SYT5: variants seen among roughly 807,000 people sequenced by gnomAD.
SYT5 encodes synaptotagmin-5.
A neutral mutation model predicts 36.0 loss-of-function variants in SYT5; 29 were observed. The ratio of observed to expected loss-of-function variants is 0.81; its 90% CI spans 0.60 to 1.10. The LOEUF is 1.10. SYT5 is among the 50% of genes least tolerant of loss of function. The pLI, the probability that SYT5 is intolerant of heterozygous loss-of-function variation, is 0.00. For synonymous variants in SYT5, 231 were observed against 227.6 expected, an observed-to-expected ratio of 1.02 and a Z score of -0.14; for missense variants, 512 against 516.0, an observed-to-expected ratio of 0.99 and a Z score of 0.08.
Position 55,175,984 on chromosome 19 carries a change from T to A in SYT5, c.372+21A>T, listed in dbSNP as rs77500505. The A allele has an allele frequency of 0.055, 88,279 of 1,613,774 alleles. 7,529 individuals are homozygous for A. Among genetic ancestry groups the A allele is most frequent in the Admixed American group, 0.35 (20,737 of 59,974 alleles). ...ACCCCCGGGATCCTCCCTCCAAAGC[T>A]TCCCCTTCCTCCACACCCACCTGGC... is the stretch of plus-strand genomic sequence containing the variant. On this transcript the variant is annotated intron_variant, in intron 4 of 8. Transcript: ENST00000354308. This position sits in a 1 kb window ranked among gnomAD's most constrained non-coding sequence, Gnocchi z 4.5.
chr19:55,173,582 G>A lies in SYT5; in HGVS notation c.1063C>T (p.Arg355Trp), dbSNP rs1321881444. Residue 355 changes from arginine (R) to tryptophan (W), a missense_variant, in exon 9 of 9, where the codon CGG (arginine) becomes TGG (tryptophan). Coordinates refer to ENST00000354308, the MANE Select transcript of SYT5 (RefSeq NM_003180.3). This position sits in a 1 kb window ranked among gnomAD's most constrained non-coding sequence, Gnocchi z 5.4. ...TTGGCCAGCATGTCCGCCCAGTGCC[G>A]CAGGCCAGCCCCGCCGGCGGCCGCC... ...VGAAAGGAGL[R>W]HWADMLANPR... 2.7e-6 allele frequency: 4 copies of A among 1,475,362 alleles called. No homozygotes were observed. The highest frequency in any genetic ancestry group is 3.0e-5 in the African/African-American group (2 of 67,736). 91.4% of individuals were successfully genotyped at this position (1,475,362 alleles called of 1,614,324 possible).
Position 55,175,610 on chromosome 19 carries a change from G to C in SYT5, c.540+99C>G. ...CCCAGAGCTGGTAGCTGCCACCTGA[G>C]CTGTGGCCGCCTCCAGGAAAAGCGG... On this transcript the variant is annotated intron_variant, in intron 5 of 8. Transcript: ENST00000354308. This position sits in a 1 kb window ranked among gnomAD's most constrained non-coding sequence, Gnocchi z 4.5. The C allele has an allele frequency of 6.8e-7, 1 of 1,480,812 alleles. No individual in the cohort carries two copies. The highest frequency in any genetic ancestry group is 9.2e-7 in the Non-Finnish European group (1 of 1,084,998). 91.7% of individuals were successfully genotyped at this position (1,480,812 alleles called of 1,614,324 possible).
At chr19:55,177,416 C>T (rs898458505) in intron 3 of SYT5, 3 of 152,212 alleles carry the variant, frequency 2.0e-5, no homozygotes, top group Non-Finnish European at 4.4e-5. Context: ...TCCCTCAGGT[C>T]TCAGTGCAGA....
chr19:55,176,135 CA>C lies in SYT5; in HGVS notation c.253-12del. ...TACTTCTGGCTGCACCTTAAGGAGC[CA>C]GGGGTAAGGGTGGGTGAAGTCTTCC... On this transcript the variant is annotated splice_polypyrimidine_tract_variant and intron_variant, in intron 3 of 8. Coordinates refer to ENST00000354308, the MANE Select transcript of SYT5 (RefSeq NM_003180.3). 1 of 1,613,972 alleles carries C rather than the reference CA, an allele frequency of 6.2e-7. No individual in the cohort carries two copies. Among genetic ancestry groups the C allele is most frequent in the Non-Finnish European group, 8.5e-7 (1 of 1,180,030 alleles).
chr19:55,179,980 G>A lies in SYT5; in HGVS notation c.-46+137C>T, dbSNP rs960403123. ...TCTCCATACCTGTCTCGCGTCCCCA[G>A]ATCCCTGTCTCTCCGCTTCAGGCTG... On this transcript the variant is annotated intron_variant, in intron 1 of 8. Coordinates refer to ENST00000354308, the MANE Select transcript of SYT5 (RefSeq NM_003180.3). The surrounding 1 kb of genome is among the most constrained non-coding windows in gnomAD (Gnocchi z 4.5). 2.0e-5 allele frequency: 3 copies of A among 152,806 alleles called. No individual in the cohort carries two copies. The highest frequency in any genetic ancestry group is 4.4e-5 in the Non-Finnish European group (3 of 68,480). 9.5% of individuals were successfully genotyped at this position (152,806 alleles called of 1,614,324 possible).
rs905015368 is a variant in SYT5 at position 55,175,759 on chromosome 19, C to T, written c.490G>A (p.Val164Met). The change falls in exon 5 of 9, where the codon GTG becomes ATG. Residue 164 changes from valine to methionine, a missense_variant. By Grantham distance (21) the Val-to-Met change is conservative. Coordinates refer to ENST00000354308, the MANE Select transcript of SYT5 (RefSeq NM_003180.3). The surrounding 1 kb of genome is among the most constrained non-coding windows in gnomAD (Gnocchi z 4.5). ...PDKRRRYETK[V>M]HRQTLNPHFG... ...TGAGGGTTCAGCGTCTGCCGATGCA[C>T]CTTGGTCTCGTACCGCCTCCGTTTG... The T allele has an allele frequency of 1.9e-6, 3 of 1,614,132 alleles. No individual in the cohort carries two copies. The highest frequency in any genetic ancestry group is 1.7e-4 in the Middle Eastern group (1 of 6,046).
At chr19:55,174,790 C>T in intron 7 of SYT5, 92 bp downstream of exon 7, 1 of 1,572,120 alleles carries the variant, frequency 6.4e-7, no homozygotes, top group Non-Finnish European at 8.7e-7. Context: ...TCCTCCCTGT[C>T]CCCGAAGAAA....
At position 55,176,029 on chromosome 19, in the gene SYT5, C is replaced by T. The variant is rs751358459; in HGVS notation, c.348G>A (p.Leu116=). 3.1e-6 allele frequency: 5 copies of T among 1,614,154 alleles called. No homozygotes were observed. The highest frequency in any genetic ancestry group is 2.2e-5 in the South Asian group (2 of 91,088). Reference sequence around the variant, plus strand: ...CCTGGCCACTCTGGAAGTCATAATCCAGGGAGTACTGCAGTCGTCCTAGCT... The same window carrying T: ...CCTGGCCACTCTGGAAGTCATAATCTAGGGAGTACTGCAGTCGTCCTAGCT... The part of the protein sequence containing the change: ...KHELGRLQYS[L]DYDFQSGQLL... Residue 116 remains leucine (L), a synonymous_variant, in exon 4 of 9, where the codon CTG becomes CTA. Transcript: ENST00000354308.
chr19:55,175,181 C>T lies in SYT5; in HGVS notation c.699G>A (p.Pro233=), dbSNP rs769726009. 4 of 1,600,306 alleles carry T rather than the reference C, an allele frequency of 2.5e-6. No individual in the cohort carries two copies. The South Asian group carries it at 3.3e-5, about 13-fold the overall frequency. The part of the protein sequence containing the change: ...VQAWRELQAA[P]REEQEKLGDI... ...GACCGCGCATGCTCACCTCCTCCCG[C>T]GGAGCCGCCTGCAGCTCCCGCCAGG... Residue 233 remains proline (P), a synonymous_variant, in exon 6 of 9, where the codon CCG becomes CCA. Coordinates refer to ENST00000354308, the MANE Select transcript of SYT5 (RefSeq NM_003180.3). This position sits in a 1 kb window ranked among gnomAD's most constrained non-coding sequence, Gnocchi z 4.5.
Position 55,179,023 on chromosome 19 carries a change from T to C in SYT5, c.19A>G (p.Thr7Ala), listed in dbSNP as rs756811651. The C allele has an allele frequency of 6.2e-7, 1 of 1,604,798 alleles. No homozygotes were observed. Among genetic ancestry groups the C allele is most frequent in the Admixed American group, 1.7e-5 (1 of 58,758 alleles). The change falls in exon 2 of 9, where the codon ACC becomes GCC. Residue 7 changes from threonine (T) to alanine (A), a missense_variant. Coordinates refer to ENST00000354308, the MANE Select transcript of SYT5 (RefSeq NM_003180.3). The surrounding 1 kb of genome is among the most constrained non-coding windows in gnomAD (Gnocchi z 4.5). The part of the protein sequence containing the change: MFPEPP[T>A]PGPPSPDTPP... ...GTGTCGGGCGATGGAGGCCCCGGGG[T>C]TGGGGGCTCCGGGAACATGGTGGCG...
Position 55,179,206 on chromosome 19 carries a change from G to A in SYT5, c.-45-120C>T, listed in dbSNP as rs1263746924. 4.6e-6 allele frequency: 7 copies of A among 1,528,042 alleles called. No homozygotes were observed. The highest frequency in any genetic ancestry group is 5.3e-6 in the Non-Finnish European group (6 of 1,142,582). 94.7% of individuals were successfully genotyped at this position (1,528,042 alleles called of 1,614,324 possible). A position where few individuals can be genotyped will look rare whatever the true frequency, so the allele number is the denominator to read the frequency against. On this transcript the variant is annotated intron_variant, in intron 1 of 8. Coordinates refer to ENST00000354308, the MANE Select transcript of SYT5 (RefSeq NM_003180.3). This position sits in a 1 kb window ranked among gnomAD's most constrained non-coding sequence, Gnocchi z 4.5. Reference sequence around the variant, plus strand: ...AAACCGGACAGCCACCGCGAGTCATGCTGGGAGTTGTAGTATCAGCCTCCC... The same window carrying A: ...AAACCGGACAGCCACCGCGAGTCATACTGGGAGTTGTAGTATCAGCCTCCC...
chr19:55,178,333 A>T lies in SYT5; in HGVS notation c.115T>A (p.Ser39Thr). The change falls in exon 3 of 9, where the codon TCA becomes ACA. Residue 39 changes from serine (S) to threonine (T), a missense_variant. Transcript: ENST00000354308. Reference protein sequence around the residue: ...PWALATIVLVSGLLIFSCCFC... With the variant: ...PWALATIVLVTGLLIFSCCFC... ...CAGCAGCTGAAGATGAGGAGGCCTG[A>T]GACCAGCACGATGGTGGCCAGGGCC... 6.2e-7 allele frequency: 1 copy of T among 1,612,174 alleles called. No homozygotes were observed. Among genetic ancestry groups the T allele is most frequent in the Non-Finnish European group, 8.5e-7 (1 of 1,179,480 alleles).
At chr19:55,177,842 AC>A (rs1371364867) in intron 3 of SYT5, among the ~76,000 whole-genome samples, 1 of 152,216 alleles carries the variant, frequency 6.6e-6, no homozygotes, top group Admixed American at 6.5e-5. Flanking sequence ...GGCGTGAGCC[AC>A]CGCACCCGGC....
Position 55,174,592 on chromosome 19 carries a change from G to T in SYT5, c.885C>A (p.Thr295=), listed in dbSNP as rs1220314083. 15 of 1,613,954 alleles carry T rather than the reference G, an allele frequency of 9.3e-6. No individual in the cohort carries two copies. Among genetic ancestry groups the T allele is most frequent in the Non-Finnish European group, 1.3e-5 (15 of 1,179,994 alleles). ...GGTTCAGAGTGTTCTTCTTGATGGT[G>T]GTTTTCTTCTTCCGCACCTTTTTGC... The part of the protein sequence containing the change: ...QGGKKVRKKK[T]TIKKNTLNPY... The change falls in exon 8 of 9, where the codon ACC becomes ACA. Residue 295 remains threonine (T), a synonymous_variant. Coordinates refer to ENST00000354308, the MANE Select transcript of SYT5 (RefSeq NM_003180.3).
At chr19:55,174,412 AC>A in intron 8 of SYT5, 104 bp downstream of exon 8, 1 of 1,419,260 alleles carries the variant, frequency 7.0e-7, no homozygotes, top group East Asian at 2.3e-5. Flanking sequence ...ATAACCTCAG[AC>A]CCCCTCACCT....
chr19:55,178,302 C>A lies in SYT5; in HGVS notation c.146G>T (p.Cys49Phe). 1 of 1,612,124 alleles carries A rather than the reference C, an allele frequency of 6.2e-7. No homozygotes were observed. Among genetic ancestry groups the A allele is most frequent in the Non-Finnish European group, 8.5e-7 (1 of 1,179,446 alleles). ...SGLLIFSCCFCLYRKSCRRRT... is the reference protein window; with the variant it reads ...SGLLIFSCCFFLYRKSCRRRT... ...CCTCCGACAGCTCTTCCGGTAGAGA[C>A]AGAAACAGCAGCTGAAGATGAGGAG... is the stretch of plus-strand genomic sequence containing the variant. Residue 49 changes from cysteine (C) to phenylalanine (F), a missense_variant, in exon 3 of 9, where the codon TGT becomes TTT. By Grantham distance (205) the Cys-to-Phe change is radical. Transcript: ENST00000354308.
In SYT5 at chr19:55,179,337, T is replaced by C. The variant is rs1022670416; in HGVS notation, c.-45-251A>G. On this transcript the variant is annotated intron_variant, in intron 1 of 8. Transcript: ENST00000354308. The surrounding 1 kb of genome is among the most constrained non-coding windows in gnomAD (Gnocchi z 4.5). Reference sequence around the variant, plus strand: ...CTGACTTCTGCCTCGTCCTCGCCCCTCCGCAGGGTCTGAACCGGAAGCGGG... The same window carrying C: ...CTGACTTCTGCCTCGTCCTCGCCCCCCCGCAGGGTCTGAACCGGAAGCGGG... 4.2e-5 allele frequency: 47 copies of C among 1,116,474 alleles called. No homozygotes were observed. The highest frequency in any genetic ancestry group is 5.4e-5 in the Non-Finnish European group (46 of 846,190). The allele number at this position is 1,116,474 out of a possible 1,614,324, so 69.2% of individuals were successfully genotyped here. A position where few individuals can be genotyped will look rare whatever the true frequency, so the allele number is the denominator to read the frequency against.
Position 55,175,141 on chromosome 19 carries a change from C to A in SYT5, c.708+31G>T. On this transcript the variant is annotated intron_variant, in intron 6 of 8. Transcript: ENST00000354308. The surrounding 1 kb of genome is among the most constrained non-coding windows in gnomAD (Gnocchi z 4.5). Reference sequence around the variant, plus strand: ...TTGTGGGCGGGACTGGGCCTGGGGGCGTGGCTCGGGGCGCGACCGCGCATG... The same window carrying A: ...TTGTGGGCGGGACTGGGCCTGGGGGAGTGGCTCGGGGCGCGACCGCGCATG... 1 of 1,578,630 alleles carries A rather than the reference C, an allele frequency of 6.3e-7. No individual in the cohort carries two copies. The highest frequency in any genetic ancestry group is 1.1e-5 in the South Asian group (1 of 87,062).
Position 55,175,245 on chromosome 19 carries a change from AC to A in SYT5, c.634del (p.Val212SerfsTer3), listed in dbSNP as rs745377523. On this transcript the variant is annotated frameshift_variant, in exon 6 of 9. Coordinates refer to ENST00000354308, the MANE Select transcript of SYT5 (RefSeq NM_003180.3). LOFTEE classifies it high-confidence loss of function. This position sits in a 1 kb window ranked among gnomAD's most constrained non-coding sequence, Gnocchi z 4.5. The part of the protein sequence containing the change: ...SRNDAIGEVR[V>X]PMSSVDLGRP... ...CCCCAGGTCCACGGAGCTCATAGGG[AC>A]CCGCACCTCCCCGATGGCGTCATTG... The A allele has an allele frequency of 1.9e-6, 3 of 1,609,252 alleles. No homozygotes were observed. Among genetic ancestry groups the A allele is most frequent in the Non-Finnish European group, 2.5e-6 (3 of 1,178,632 alleles).
Sources: gnomAD v4.1 joint callset for allele counts (sites outside exome capture counted in the v4.1 genomes callset) on GRCh38, gnomAD v4.1.1 for gene constraint, Gnocchi (gnomAD v3.1) non-coding constraint, MANE v1.5 for transcripts, NCBI Gene and HGNC (gene_info 2026-07-23, HGNC 2026-07-21) for gene names.